Variants in RALYL observed in about 807,000 individuals in gnomAD.
RALYL encodes RNA-binding Raly-like protein.
In RALYL, 29 loss-of-function variants were observed where a neutral mutation model predicts 35.1. The ratio of observed to expected loss-of-function variants is 0.83; its 90% confidence interval spans 0.61 to 1.13. The LOEUF (loss-of-function observed/expected upper bound fraction) is 1.13. Among genes scored for constraint, RALYL ranks in the 50% most tolerant of loss-of-function variants. The pLI is 0.00. For synonymous variants in RALYL, 120 were observed against 127.6 expected, an observed-to-expected ratio of 0.94 and a Z score of 0.40; for missense variants, 359 against 360.4, an observed-to-expected ratio of 1.00 and a Z score of 0.03.
intron 4 of RALYL, among the ~76,000 whole-genome samples, chr8:84,836,190 C>T (rs896889083): frequency 2.0e-5 from 3 of 152,096 alleles, no homozygotes; most frequent in Non-Finnish European, 4.4e-5. Context: ...TTTCTTCCTC[C>T]TTTTCTCATT....
intron 1 of RALYL, among the ~76,000 whole-genome samples, chr8:84,250,942 G>A (rs2131670087): frequency 6.6e-6 from 1 of 152,208 alleles, no homozygotes; most frequent in Non-Finnish European, 1.5e-5. Context: ...CTCAGTTTTA[G>A]CATGTCAGTT....
At chr8:84,728,914 C>T (rs1845557222) in intron 2 of RALYL, among the ~76,000 whole-genome samples, 1 of 152,154 alleles carries the variant, frequency 6.6e-6, no homozygotes, top group Non-Finnish European at 1.5e-5. Flanking sequence ...AGCGTGATGC[C>T]TCCAGCTTTG....
intron 4 of RALYL, among the ~76,000 whole-genome samples, chr8:84,831,629 G>A (rs559585236): frequency 6.6e-6 from 1 of 152,194 alleles, no homozygotes; most frequent in African/African-American, 2.4e-5. Flanking sequence ...AAAATAATCA[G>A]GGAAGGGGAA....
chr8:84,569,970 T>C (rs186262434), intron 2 of RALYL, among the ~76,000 whole-genome samples: 5 of 152,106 alleles, frequency 3.3e-5, no homozygotes, highest in Admixed American at 3.3e-4. Context: ...GCTAGTACCA[T>C]GCTTTTATAC....
rs369089559 is a variant in RALYL at position 84,591,680 on chromosome 8, G to A, written c.256+62103G>A. Among the ~76,000 whole-genome samples the A allele has an allele frequency of 1.4e-4, 21 of 152,222 alleles. No homozygotes were observed. In the East Asian group the frequency reaches 2.7e-3, roughly 20 times the overall value. On this transcript the variant is annotated intron_variant, in intron 2 of 8. Transcript: ENST00000521268. ...AAACATGAGAGAGCCATGGCTAATC[G>A]TCTCCCAATATCACTCATAAAATAC...
At chr8:84,694,388 G>A (rs564286020) in intron 2 of RALYL, among the ~76,000 whole-genome samples, 53 of 151,982 alleles carry the variant, frequency 3.5e-4, no homozygotes, top group African/African-American at 1.2e-3. Flanking sequence ...ATATATTCAT[G>A]AGTAAATTTA....
chr8:84,491,412 C>T (rs1389236921), intron 1 of RALYL, among the ~76,000 whole-genome samples: 2 of 151,860 alleles, frequency 1.3e-5, no homozygotes, highest in African/African-American at 2.4e-5. Context: ...AAATTCAATG[C>T]CTGAGGTGGG....
intron 4 of RALYL, among the ~76,000 whole-genome samples, chr8:84,815,584 G>C (rs1563667023): frequency 3.3e-5 from 5 of 151,414 alleles, no homozygotes. Context: ...GCTTAAGTTT[G>C]GGGGCTCATA....
rs147874241 is a variant in RALYL at position 84,590,681 on chromosome 8, A to G, written c.256+61104A>G. Among the ~76,000 whole-genome samples, 128 of 152,320 alleles carry G rather than the reference A, an allele frequency of 8.4e-4. 1 individual carries two copies. The highest frequency in any genetic ancestry group is 1.8e-3 in the Admixed American group (27 of 15,288). On this transcript the variant is annotated intron_variant, in intron 2 of 8. Transcript: ENST00000521268. ...TGTTAACAACCAGAGCTATCAAATA[A>G]TGGAATTGACTGCTTTGTAATGGGG...
chr8:84,396,672 A>G (rs1367219048), intron 1 of RALYL, among the ~76,000 whole-genome samples: 6 of 152,074 alleles, frequency 3.9e-5, no homozygotes, highest in Non-Finnish European at 7.4e-5. Context: ...TATATTAGTA[A>G]TGTCCACCTA....
At chr8:84,355,195 G>GT (rs1851598976) in intron 1 of RALYL, among the ~76,000 whole-genome samples, 2 of 150,240 alleles carry the variant, frequency 1.3e-5, no homozygotes, top group Admixed American at 1.3e-4. Flanking sequence ...TTCTTCCATT[G>GT]TTTCTATCAC....
intron 1 of RALYL, among the ~76,000 whole-genome samples, chr8:84,463,150 C>G (rs1179004680): frequency 6.6e-6 from 1 of 151,858 alleles, no homozygotes; most frequent in Non-Finnish European, 1.5e-5. Context: ...CCAAACATTC[C>G]TAATGTGACA....
intron 2 of RALYL, among the ~76,000 whole-genome samples, chr8:84,752,308 C>G (rs1473342219): frequency 6.6e-6 from 1 of 152,130 alleles, no homozygotes; most frequent in African/African-American, 2.4e-5. Flanking sequence ...TTCACAGTGA[C>G]CTGGCTGCTT....
intron 2 of RALYL, among the ~76,000 whole-genome samples, chr8:84,730,374 G>T (rs1000008702): frequency 6.6e-6 from 1 of 152,092 alleles, no homozygotes; most frequent in East Asian, 1.9e-4. Context: ...AGGTATTGAT[G>T]GGATGTATCT....
intron 4 of RALYL, among the ~76,000 whole-genome samples, chr8:84,810,084 G>T (rs1042035055): frequency 8.5e-5 from 13 of 152,078 alleles, no homozygotes; most frequent in African/African-American, 3.1e-4. Context: ...TAGAATGTTA[G>T]TTTGTACTTT....
intron 1 of RALYL, among the ~76,000 whole-genome samples, chr8:84,511,999 A>T (rs1399198240): frequency 6.6e-6 from 1 of 152,164 alleles, no homozygotes; most frequent in African/African-American, 2.4e-5. Context: ...ACTGCAGTAG[A>T]CGTGGGGATA....
chr8:84,588,355 C>T (rs1459222103), intron 2 of RALYL, among the ~76,000 whole-genome samples: 1 of 152,130 alleles, frequency 6.6e-6, no homozygotes, highest in Non-Finnish European at 1.5e-5. Context: ...TGTGTTGGCT[C>T]ACTCAGAGGG....
intron 1 of RALYL, among the ~76,000 whole-genome samples, chr8:84,451,855 T>C (rs1004339627): frequency 1.3e-5 from 2 of 151,990 alleles, no homozygotes; most frequent in Non-Finnish European, 2.9e-5. Context: ...TGCTTTCTAC[T>C]TGGTGCTTTG....
intron 2 of RALYL, among the ~76,000 whole-genome samples, chr8:84,739,067 AAATT>A (rs1847828723): frequency 1.3e-5 from 2 of 152,056 alleles, no homozygotes; most frequent in South Asian, 2.1e-4. Context: ...TGGAAATTCA[AAATT>A]AATTAATGTG....
Sources: allele counts gnomAD v4.1 joint callset (sites outside exome capture counted in the v4.1 genomes callset), GRCh38; gene constraint gnomAD v4.1.1; transcripts MANE v1.5; gene names NCBI Gene and HGNC (gene_info 2026-07-23, HGNC 2026-07-21).